SSH2: variants seen among roughly 807,000 people sequenced by gnomAD.
The protein encoded by SSH2 is slingshot protein phosphatase 2, also known as protein phosphatase Slingshot homolog 2.
SSH2 carries 37 observed loss-of-function variants against 135.2 expected under a neutral mutation model. The ratio of observed to expected loss-of-function variants is 0.27; its 90% CI spans 0.21 to 0.36. The LOEUF (loss-of-function observed/expected upper bound fraction) is 0.36, where lower values mean the gene tolerates loss of function less well. Ranked by LOEUF, SSH2 falls within the 10% of genes least tolerant of loss-of-function variation. The pLI is 1.00. For synonymous variants in SSH2, 628 were observed against 646.2 expected (o/e 0.97, Z 0.43); for missense variants, 1,408 against 1,765.3 (o/e 0.80, Z 3.63).
At chr17:29,802,511 G>GCCT (rs1411829082) in intron 2 of SSH2, among the ~76,000 whole-genome samples, 25 of 151,718 alleles carry the variant, frequency 1.6e-4, no homozygotes, top group African/African-American at 2.4e-5. Context: ...GGCCAGGCAT[G>GCCT]GTGGCTCATG....
intron 7 of SSH2, 131 bp from the exon 8 acceptor site, chr17:29,677,016 G>T: frequency 1.4e-6 from 1 of 726,006 alleles, no homozygotes; most frequent in Non-Finnish European, 2.3e-6. Context: ...ATTTCACGTA[G>T]AAGTTTTAAC....
intron 2 of SSH2, among the ~76,000 whole-genome samples, chr17:29,839,308 G>A (rs1239181695): frequency 6.6e-6 from 1 of 152,196 alleles, no homozygotes; most frequent in African/African-American, 2.4e-5. Context: ...CCGGTAATGT[G>A]TAACCTGCCA....
chr17:29,804,486 A>C (rs1399565536), intron 2 of SSH2, among the ~76,000 whole-genome samples: 1 of 152,318 alleles, frequency 6.6e-6, no homozygotes, highest in East Asian at 1.9e-4. Context: ...CCTATAGAAA[A>C]ATCTGAGCTC....
chr17:29,831,865 C>A (rs930462437), intron 2 of SSH2, among the ~76,000 whole-genome samples: 3 of 152,176 alleles, frequency 2.0e-5, no homozygotes, highest in African/African-American at 7.2e-5. Flanking sequence ...AGGTGTAAGC[C>A]ACTGTGCTCA....
intron 1 of SSH2, among the ~76,000 whole-genome samples, chr17:29,916,856 T>TAA (rs1246743987): frequency 6.6e-6 from 1 of 152,192 alleles, no homozygotes; most frequent in Non-Finnish European, 1.5e-5. Flanking sequence ...ATGTGCTAAA[T>TAA]ATTGTAATTA....
chr17:29,869,521 A>T (rs975139548), intron 1 of SSH2, among the ~76,000 whole-genome samples: 2 of 152,230 alleles, frequency 1.3e-5, no homozygotes, highest in African/African-American at 4.8e-5. Context: ...CAAAGGGAAG[A>T]TTCAGGACAA....
At chr17:29,685,055 G>A (rs1219176393) in intron 5 of SSH2, among the ~76,000 whole-genome samples, 2 of 152,184 alleles carry the variant, frequency 1.3e-5, no homozygotes, top group African/African-American at 4.8e-5. Flanking sequence ...ATATGAATGT[G>A]AGCATTGGTC....
chr17:29,923,178 G>A (rs541279436), intron 1 of SSH2, among the ~76,000 whole-genome samples: 69 of 152,270 alleles, frequency 4.5e-4, no homozygotes, highest in African/African-American at 1.6e-3. Flanking sequence ...CCAAAGTGCT[G>A]GGATTACAGG....
intron 2 of SSH2, among the ~76,000 whole-genome samples, chr17:29,805,050 A>AT (rs1157177493): frequency 6.6e-6 from 1 of 151,596 alleles, no homozygotes; most frequent in Non-Finnish European, 1.5e-5. Context: ...CAGGCATGCA[A>AT]TATGGAAACT....
rs749746815 is a variant in SSH2 at position 29,631,832 on chromosome 17, G to T, written c.3362C>A (p.Thr1121Asn). ...GTCTTCAGGGCTACTCAGGATGGAG[G>T]TTGGATGGTCAGTGGGTCTGTTGTG... is the stretch of plus-strand genomic sequence containing the variant. Reference protein sequence around the residue: ...PEHNRPTDHPTSILSSPEDRG... With the variant: ...PEHNRPTDHPNSILSSPEDRG... Residue 1121 changes from threonine (T) to asparagine (N), a missense_variant, in exon 16 of 16, where the codon ACC (threonine) becomes AAC (asparagine). Physicochemically the swap from Thr to Asn is moderately conservative, Grantham distance 65 (BLOSUM62 0). This residue lies in a region of SSH2 where 1,080 missense variants were observed against 1,144.5 expected (regional missense o/e 0.94). Coordinates refer to ENST00000540801, the MANE Select transcript of SSH2 (RefSeq NM_001282129.2). 1 of 1,614,234 alleles carries T rather than the reference G, an allele frequency of 6.2e-7. No individual in the cohort carries two copies. The highest frequency in any genetic ancestry group is 1.1e-5 in the South Asian group (1 of 91,086).
intron 1 of SSH2, among the ~76,000 whole-genome samples, chr17:29,870,140 A>G (rs369035688): frequency 1.3e-5 from 2 of 152,152 alleles, no homozygotes; most frequent in South Asian, 2.1e-4. Flanking sequence ...TCATTGCAGC[A>G]TTTATTATAA....
intron 1 of SSH2, among the ~76,000 whole-genome samples, chr17:29,872,041 G>A (rs2065945456): frequency 6.6e-6 from 1 of 152,168 alleles, no homozygotes. Context: ...TAATAAGCCT[G>A]ATTGATTTTG....
At chr17:29,779,800 G>A (rs1164580702) in intron 3 of SSH2, among the ~76,000 whole-genome samples, 1 of 80,748 alleles carries the variant, frequency 1.2e-5, no homozygotes, top group Non-Finnish European at 2.2e-5. Flanking sequence ...GACAGAGTGA[G>A]ACTCTGTCTC....
chr17:29,751,787 T>C (rs560975610), intron 3 of SSH2, among the ~76,000 whole-genome samples: 2 of 152,040 alleles, frequency 1.3e-5, no homozygotes, highest in African/African-American at 4.8e-5. Context: ...TAATCATCCA[T>C]GAAGAAAAGT....
chr17:29,712,390 T>C lies in SSH2; in HGVS notation c.189-9328A>G, dbSNP rs79747321. ...ACTTTTCCCTTTGGCTTGGTGATGA[T>C]TTGGGTGATGATTTTGAGATTTATT... On this transcript the variant is annotated intron_variant, in intron 3 of 15. Coordinates refer to ENST00000540801, the MANE Select transcript of SSH2 (RefSeq NM_001282129.2). Among the ~76,000 whole-genome samples the C allele has an allele frequency of 5.1e-3, 780 of 152,314 alleles. 8 individuals carry two copies. The highest frequency in any genetic ancestry group is 0.018 in the African/African-American group (737 of 41,570).
chr17:29,812,161 CT>C (rs748811941), intron 2 of SSH2, among the ~76,000 whole-genome samples: 5,784 of 121,514 alleles, frequency 0.048, 157 homozygotes, highest in African/African-American at 0.1. Flanking sequence ...AGTATGTGTT[CT>C]TTTTTTTTTT....
chr17:29,928,304 C>T (rs980875230), intron 1 of SSH2: 46 of 378,056 alleles, frequency 1.2e-4, no homozygotes, highest in African/African-American at 9.3e-4. Context: ...AAGATTTATT[C>T]CTATGATACT....
At chr17:29,662,717 T>C (rs1021362245) in intron 11 of SSH2, among the ~76,000 whole-genome samples, 9 of 152,202 alleles carry the variant, frequency 5.9e-5, no homozygotes, top group Non-Finnish European at 1.5e-5. Context: ...GTTGTACAGA[T>C]TATTTCATCA....
intron 3 of SSH2, among the ~76,000 whole-genome samples, chr17:29,763,753 T>C (rs1037583986): frequency 1.3e-5 from 2 of 152,196 alleles, no homozygotes; most frequent in African/African-American, 2.4e-5. Context: ...CTTTTATAAA[T>C]AGGTTCCTAT....
Sources: allele counts gnomAD v4.1 joint callset (sites outside exome capture counted in the v4.1 genomes callset), GRCh38; gene constraint gnomAD v4.1.1; regional missense constraint gnomAD v4.1.1; transcripts MANE v1.5; gene names NCBI Gene and HGNC (gene_info 2026-07-23, HGNC 2026-07-21).